The following MMUT variants were observed in gnomAD, a reference collection of about 807,000 sequenced individuals.
The protein encoded by MMUT is methylmalonyl-CoA mutase, mitochondrial.
MMUT carries 79 observed loss-of-function variants against 79.9 expected under a neutral mutation model. The observed-to-expected ratio is 0.99, with a 90% CI of 0.82 to 1.19. The LOEUF (loss-of-function observed/expected upper bound fraction) is 1.19, where lower values mean the gene tolerates loss of function less well. Ranked by LOEUF, MMUT falls within the 50% of genes most tolerant of loss-of-function variation. The pLI is 0.00. For synonymous variants in MMUT, 273 were observed against 295.7 expected (o/e 0.92, Z 0.79); for missense variants, 860 against 917.2 (o/e 0.94, Z 0.81).
rs1344196269 is a variant in MMUT at position 49,435,725 on chromosome 6, T to C, written c.1957-102A>G. 1.4e-5 allele frequency: 17 copies of C among 1,234,714 alleles called. No individual in the cohort carries two copies. The East Asian group carries it at 2.5e-4, about 18-fold the overall frequency. 76.5% of individuals were successfully genotyped at this position (1,234,714 alleles called of 1,614,324 possible). On this transcript the variant is annotated intron_variant, in intron 11 of 12. Coordinates refer to ENST00000274813, the MANE Select transcript of MMUT (RefSeq NM_000255.4). ...GGCAATACCATTCAGAACATACTAA[T>C]GGGCAAAGACTTCATGATGAAGATG...
intron 9 of MMUT, among the ~76,000 whole-genome samples, chr6:49,443,162 C>T (rs1767321969): frequency 6.6e-6 from 1 of 152,102 alleles, no homozygotes; most frequent in Non-Finnish European, 1.5e-5. Context: ...AAAGCACTGA[C>T]ACCTCTTTAT....
intron 8 of MMUT, among the ~76,000 whole-genome samples, chr6:49,446,522 T>G (rs9296616): frequency 0.3 from 45,757 of 151,584 alleles, 7,432 homozygotes; most frequent in South Asian, 0.37. Flanking sequence ...CTTTGTCACT[T>G]ATACTATAAA....
chr6:49,451,111 C>A (rs906013297), intron 6 of MMUT, among the ~76,000 whole-genome samples: 8 of 151,970 alleles, frequency 5.3e-5, no homozygotes, highest in African/African-American at 1.4e-4. Context: ...TTAAACTATG[C>A]AGATAAAAAC....
At chr6:49,434,205 C>T (rs920666998) in intron 12 of MMUT, among the ~76,000 whole-genome samples, 1 of 152,016 alleles carries the variant, frequency 6.6e-6, no homozygotes, top group African/African-American at 2.4e-5. Context: ...AGAATAACTA[C>T]CCTTTATTTT....
chr6:49,457,579 C>A, intron 3 of MMUT, 112 bp downstream of exon 3: 3 of 928,350 alleles, frequency 3.2e-6, no homozygotes, highest in South Asian at 1.8e-5. Flanking sequence ...AATAACAAAA[C>A]ATTCTAAATT....
chr6:49,436,463 G>A (rs1767131366), intron 11 of MMUT, among the ~76,000 whole-genome samples: 1 of 151,964 alleles, frequency 6.6e-6, no homozygotes, highest in Non-Finnish European at 1.5e-5. Context: ...AAATTGGCCA[G>A]GTATGGTGGC....
chr6:49,440,604 G>C (rs1349488151), intron 10 of MMUT, among the ~76,000 whole-genome samples: 1 of 151,854 alleles, frequency 6.6e-6, no homozygotes, highest in African/African-American at 2.4e-5. Flanking sequence ...TAGGTATTAA[G>C]CCCAGCATCC....
chr6:49,444,337 T>TATA (rs1203540763), intron 9 of MMUT, among the ~76,000 whole-genome samples: 11 of 152,154 alleles, frequency 7.2e-5, no homozygotes, highest in Non-Finnish European at 1.6e-4. Flanking sequence ...GGCATAAACC[T>TATA]GGTGATATAC....
intron 1 of MMUT, among the ~76,000 whole-genome samples, chr6:49,461,699 G>A (rs1002642867): frequency 2.0e-5 from 3 of 152,206 alleles, no homozygotes; most frequent in African/African-American, 7.2e-5. Context: ...AACCCGGGAA[G>A]CAGAGGTTGC....
chr6:49,455,998 T>G lies in MMUT; in HGVS notation c.911+82A>C, dbSNP rs1368155872. The G allele has an allele frequency of 3.3e-6, 4 of 1,201,798 alleles. No individual in the cohort carries two copies. In the African/African-American group the frequency reaches 6.1e-5, roughly 18 times the overall value. 74.4% of individuals were successfully genotyped at this position (1,201,798 alleles called of 1,614,324 possible). Reference sequence around the variant, plus strand: ...TCTAAATCTAGCCTGACATTTATATTTATAAATTCATTTTATCAATATATA... The same window carrying G: ...TCTAAATCTAGCCTGACATTTATATGTATAAATTCATTTTATCAATATATA... On this transcript the variant is annotated intron_variant, in intron 4 of 12. Coordinates refer to ENST00000274813, the MANE Select transcript of MMUT (RefSeq NM_000255.4).
At chr6:49,432,361 A>AT (rs1767001844) in intron 12 of MMUT, among the ~76,000 whole-genome samples, 1 of 150,548 alleles carries the variant, frequency 6.6e-6, no homozygotes, top group Non-Finnish European at 1.5e-5. Flanking sequence ...GTTGCTGTTG[A>AT]TTTTTTTTAG....
At chr6:49,433,430 A>G (rs1297823062) in intron 12 of MMUT, among the ~76,000 whole-genome samples, 1 of 152,214 alleles carries the variant, frequency 6.6e-6, no homozygotes, top group Non-Finnish European at 1.5e-5. Context: ...GGTTGTATAC[A>G]GATATTTTTT....
rs965316043 is a variant in MMUT, at chr6:49,453,685, A to G, written c.983T>C (p.Leu328Pro). 2.5e-5 allele frequency: 41 copies of G among 1,613,188 alleles called. No homozygotes were observed. The highest frequency in any genetic ancestry group is 5.0e-5 in the Admixed American group (3 of 59,984). Residue 328 changes from leucine to proline, a missense_variant, in exon 5 of 13, where the codon CTC (leucine) becomes CCC (proline). Leu to Pro is a moderately conservative substitution (Grantham distance 98). Transcript: ENST00000274813. ...EIAKMRAGRR[L>P]WAHLIEKMFQ... ...CATTTTCTCTATTAAGTGAGCCCAG[A>G]GTCTTCTACCAGCTCTCATCTTTGC...
chr6:49,460,623 T>A (rs561768199), intron 1 of MMUT, among the ~76,000 whole-genome samples: 4 of 152,344 alleles, frequency 2.6e-5, no homozygotes, highest in South Asian at 4.1e-4. Context: ...CCTGAATTAC[T>A]AAAACTTGTC....
chr6:49,443,768 G>A (rs1767339377), intron 9 of MMUT: 1 of 443,298 alleles, frequency 2.3e-6, no homozygotes, highest in Admixed American at 2.4e-5. Context: ...TAGGTAGTAA[G>A]TACAAAAAAC....
intron 6 of MMUT, among the ~76,000 whole-genome samples, chr6:49,449,564 C>T (rs1767497635): frequency 6.6e-6 from 1 of 152,120 alleles, no homozygotes; most frequent in Non-Finnish European, 1.5e-5. Context: ...CCAAAGTTTA[C>T]TGTCTACAGA....
At chr6:49,432,889 G>C (rs1285490052) in intron 12 of MMUT, among the ~76,000 whole-genome samples, 2 of 152,074 alleles carry the variant, frequency 1.3e-5, no homozygotes, top group Non-Finnish European at 2.9e-5. Context: ...TATTGTTGCA[G>C]CACCCTTTTT....
chr6:49,453,875 A>T, intron 4 of MMUT, 119 bp from the exon 5 acceptor site: 1 of 860,086 alleles, frequency 1.2e-6, no homozygotes, highest in South Asian at 1.5e-5. Flanking sequence ...CGAAGAACTT[A>T]ATTTGAATTA....
chr6:49,442,247 T>C (rs1767296203), intron 9 of MMUT, among the ~76,000 whole-genome samples: 1 of 152,102 alleles, frequency 6.6e-6, no homozygotes, highest in Non-Finnish European at 1.5e-5. Flanking sequence ...GACAAGTACC[T>C]GAAGGTTGCT....
Sources: allele counts gnomAD v4.1 joint callset (sites outside exome capture counted in the v4.1 genomes callset), GRCh38; gene constraint gnomAD v4.1.1; transcripts MANE v1.5; gene names NCBI Gene and HGNC (gene_info 2026-07-23, HGNC 2026-07-21).